Variants in SUMF1 observed in about 807,000 individuals in gnomAD.
SUMF1 encodes the protein formylglycine-generating enzyme.
A neutral mutation model predicts 47.6 loss-of-function variants in SUMF1; 48 were observed. The ratio of observed to expected loss-of-function variants is 1.01; its 90% CI spans 0.80 to 1.28. The LOEUF is 1.28. Ranked by LOEUF, SUMF1 falls within the 50% of genes most tolerant of loss-of-function variation. The pLI is 0.00. For synonymous variants in SUMF1, 230 were observed against 192.1 expected (o/e 1.20, Z -1.63); for missense variants, 571 against 485.4 (o/e 1.18, Z -1.66).
At chr3:4,456,633 T>C (rs1329483836) in intron 1 of SUMF1, among the ~76,000 whole-genome samples, 5 of 137,310 alleles carry the variant, frequency 3.6e-5, no homozygotes, top group African/African-American at 5.3e-5. Context: ...TATATATATA[T>C]ACGTGTATAT....
chr3:4,405,652 T>C (rs1701352439), intron 7 of SUMF1, among the ~76,000 whole-genome samples: 1 of 152,082 alleles, frequency 6.6e-6, no homozygotes, highest in Admixed American at 6.6e-5. Context: ...CCTCCCAGAG[T>C]GCTGGGATTA....
intron 8 of SUMF1, among the ~76,000 whole-genome samples, chr3:4,274,590 A>G (rs936312016): frequency 6.6e-6 from 1 of 152,188 alleles, no homozygotes; most frequent in Non-Finnish European, 1.5e-5. Context: ...CTACTTTGCA[A>G]TTGTCTTTTT....
At chr3:4,073,116 A>G (rs1692321063) in intron 8 of SUMF1, among the ~76,000 whole-genome samples, 1 of 152,234 alleles carries the variant, frequency 6.6e-6, no homozygotes, top group Non-Finnish European at 1.5e-5. Context: ...AGGGCAGCCC[A>G]TCAGACTAAC....
chr3:4,412,562 A>C (rs1701577845), intron 6 of SUMF1, among the ~76,000 whole-genome samples: 1 of 152,176 alleles, frequency 6.6e-6, no homozygotes, highest in Non-Finnish European at 1.5e-5. Context: ...GAATACAAGG[A>C]AAGGAGCCAG....
chr3:4,238,152 G>A (rs1382354332), intron 8 of SUMF1, among the ~76,000 whole-genome samples: 3 of 152,068 alleles, frequency 2.0e-5, no homozygotes, highest in African/African-American at 7.2e-5. Context: ...GTGCATATGT[G>A]CCATATTTTC....
intron 8 of SUMF1, among the ~76,000 whole-genome samples, chr3:4,129,110 C>T (rs986012239): frequency 6.6e-6 from 1 of 152,156 alleles, no homozygotes; most frequent in African/African-American, 2.4e-5. Flanking sequence ...CCTTGCAAAA[C>T]AGATTCGTGA....
chr3:4,052,161 T>C (rs145544076), intron 9 of SUMF1, among the ~76,000 whole-genome samples: 3 of 152,120 alleles, frequency 2.0e-5, no homozygotes, highest in East Asian at 3.9e-4. Flanking sequence ...TGTTTCCCTG[T>C]TTCCAAGGTC....
intron 3 of SUMF1, among the ~76,000 whole-genome samples, chr3:4,424,736 T>A (rs192573721): frequency 6.6e-6 from 1 of 152,236 alleles, no homozygotes; most frequent in South Asian, 2.1e-4. Context: ...CACATTTGAT[T>A]CCGTTTCTAT....
At chr3:4,051,603 AAG>A (rs1695112026) in intron 9 of SUMF1, among the ~76,000 whole-genome samples, 1 of 152,140 alleles carries the variant, frequency 6.6e-6, no homozygotes, top group African/African-American at 2.4e-5. Flanking sequence ...GTAAATGCCT[AAG>A]AGAGAGAAGG....
intron 8 of SUMF1, among the ~76,000 whole-genome samples, chr3:4,069,079 G>A (rs754926701): frequency 1.3e-5 from 2 of 152,180 alleles, no homozygotes; most frequent in Non-Finnish European, 2.9e-5. Context: ...GGCCTCAGCA[G>A]GGCCAACCGT....
chr3:4,343,901 C>G (rs1007941557), intron 8 of SUMF1, among the ~76,000 whole-genome samples: 18 of 152,272 alleles, frequency 1.2e-4, no homozygotes, highest in East Asian at 5.8e-4. Context: ...CTGGGAATAA[C>G]TCACATATTC....
intron 8 of SUMF1, among the ~76,000 whole-genome samples, chr3:4,159,006 T>C (rs979980522): frequency 2.6e-5 from 4 of 151,628 alleles, no homozygotes; most frequent in Non-Finnish European, 5.9e-5. Context: ...AGTATTGTAC[T>C]GTCTGTGTCT....
intron 8 of SUMF1, among the ~76,000 whole-genome samples, chr3:4,228,895 T>C (rs954282058): frequency 6.6e-6 from 1 of 152,058 alleles, no homozygotes; most frequent in Non-Finnish European, 1.5e-5. Context: ...TTTTTCCAAA[T>C]TGCGAATACA....
chr3:4,089,638 T>C (rs1302910351), intron 8 of SUMF1, among the ~76,000 whole-genome samples: 3 of 152,108 alleles, frequency 2.0e-5, no homozygotes, highest in Non-Finnish European at 4.4e-5. Context: ...GGAAGAATAA[T>C]ATATTAGTCA....
At chr3:4,315,850 C>A (rs2125106658) in intron 8 of SUMF1, among the ~76,000 whole-genome samples, 1 of 151,950 alleles carries the variant, frequency 6.6e-6, no homozygotes, top group African/African-American at 2.4e-5. Context: ...AGTTTGAGAC[C>A]ACCCTGGCCA....
intron 7 of SUMF1, among the ~76,000 whole-genome samples, chr3:4,404,959 A>C (rs564577576): frequency 1.3e-5 from 2 of 152,110 alleles, no homozygotes; most frequent in Non-Finnish European, 2.9e-5. Flanking sequence ...ATGATATGAT[A>C]TTTACCGGTT....
At chr3:4,111,125 G>C (rs1274214556) in intron 8 of SUMF1, among the ~76,000 whole-genome samples, 1 of 151,004 alleles carries the variant, frequency 6.6e-6, no homozygotes. Flanking sequence ...CAGGATATTC[G>C]CAGATTGGTT....
intron 9 of SUMF1, among the ~76,000 whole-genome samples, chr3:4,050,852 C>G (rs1288870324): frequency 6.7e-6 from 1 of 150,166 alleles, no homozygotes; most frequent in Non-Finnish European, 1.5e-5. Context: ...CTGGCACAAA[C>G]AGTTGATCAC....
intron 8 of SUMF1, among the ~76,000 whole-genome samples, chr3:4,243,393 G>T (rs906801620): frequency 1.4e-4 from 21 of 152,092 alleles, no homozygotes; most frequent in Admixed American, 3.9e-4. Context: ...TCTCTTGTGG[G>T]CATTTAGTGC....
Sources: gnomAD v4.1 joint callset for allele counts (sites outside exome capture counted in the v4.1 genomes callset) on GRCh38, gnomAD v4.1.1 for gene constraint, MANE v1.5 for transcripts, NCBI Gene and HGNC (gene_info 2026-07-23, HGNC 2026-07-21) for gene names.